The following RGS6 variants were observed in gnomAD, a reference collection of about 807,000 sequenced individuals.
RGS6 encodes regulator of G protein signaling 6, also known as regulator of G-protein signaling 6.
In RGS6, 30 loss-of-function variants were observed where a neutral mutation model predicts 78.5. That is an observed-to-expected ratio of 0.38 (90% CI 0.29 to 0.52). The LOEUF is 0.52. Ranked by LOEUF, RGS6 falls within the 20% of genes least tolerant of loss-of-function variation. RGS6 has a pLI of 0.85. For synonymous variants in RGS6, 206 were observed against 206.0 expected (o/e 1.00, Z 0.00); for missense variants, 495 against 609.7 (o/e 0.81, Z 1.98).
At chr14:72,003,415 T>C (rs1212183333) in intron 2 of RGS6, among the ~76,000 whole-genome samples, 2 of 152,246 alleles carry the variant, frequency 1.3e-5, no homozygotes, top group Non-Finnish European at 2.9e-5. Context: ...CACAGTTTTG[T>C]GCAACTGTCA....
the RGS6 span, among the ~76,000 whole-genome samples, chr14:71,894,253 A>G: frequency 2.0e-5 from 3 of 152,180 alleles, no homozygotes; most frequent in Admixed American, 2.0e-4. Context: ...TTTACGATTA[A>G]AGGAACAAAT....
intron 3 of RGS6, among the ~76,000 whole-genome samples, chr14:72,359,385 G>A (rs963099183): frequency 6.6e-6 from 1 of 152,008 alleles, no homozygotes; most frequent in Admixed American, 6.6e-5. Context: ...AGGGGTTGGG[G>A]TGGGGGGCAG....
At chr14:72,169,373 A>G (rs957095783) in intron 2 of RGS6, among the ~76,000 whole-genome samples, 1 of 152,238 alleles carries the variant, frequency 6.6e-6, no homozygotes, top group African/African-American at 2.4e-5. Context: ...ATCTCTAGAG[A>G]AGGAAACTTT....
At chr14:71,908,620 GC>G in the RGS6 span, among the ~76,000 whole-genome samples, 1 of 152,174 alleles carries the variant, frequency 6.6e-6, no homozygotes. Flanking sequence ...GCACAATGAG[GC>G]CACAGGAGGG....
At position 72,547,826 on chromosome 14, in the gene RGS6, C is replaced by T. The variant is rs138649039; in HGVS notation, c.1422+7732C>T. On this transcript the variant is annotated intron_variant, in intron 17 of 17. Transcript: ENST00000553525. The stretch of plus-strand genomic sequence containing the variant: ...TGAGCAACAGCACCATGGCCACATA[C>T]GGGAATGGGCCTCATTGGTGTAATA... 1.5e-3 allele frequency among the ~76,000 whole-genome samples: 231 copies of T among 152,246 alleles called. 1 individual carries two copies. Among genetic ancestry groups the T allele is most frequent in the African/African-American group, 4.8e-3 (198 of 41,542 alleles).
intron 3 of RGS6, among the ~76,000 whole-genome samples, chr14:72,378,226 T>C (rs1263785009): frequency 1.3e-5 from 2 of 152,106 alleles, no homozygotes; most frequent in Non-Finnish European, 2.9e-5. Flanking sequence ...ACAGGCAAGT[T>C]TATAGCAATA....
chr14:72,476,996 G>A, intron 11 of RGS6, 156 bp downstream of exon 11: 2 of 626,382 alleles, frequency 3.2e-6, no homozygotes, highest in East Asian at 2.9e-5. Flanking sequence ...TGCTGTGTGT[G>A]AACAAGCCAC....
At chr14:71,891,561 T>G in the RGS6 span, among the ~76,000 whole-genome samples, 1 of 152,176 alleles carries the variant, frequency 6.6e-6, no homozygotes, top group South Asian at 2.1e-4. Flanking sequence ...AGCTAAAAGC[T>G]TCAGAAGTCA....
At chr14:72,319,696 A>G (rs1486994745) in intron 2 of RGS6, among the ~76,000 whole-genome samples, 1 of 152,214 alleles carries the variant, frequency 6.6e-6, no homozygotes, top group African/African-American at 2.4e-5. Flanking sequence ...CCAAAGTAAA[A>G]TAGACACTAG....
At chr14:72,539,916 C>T (rs924687069) in intron 16 of RGS6, 125 bp from the exon 17 acceptor site, 56 of 760,492 alleles carry the variant, frequency 7.4e-5, no homozygotes, top group South Asian at 5.3e-4. Flanking sequence ...TCCCATTTTT[C>T]GCCCCATTTT....
At chr14:71,973,281 C>A (rs933133820) in intron 2 of RGS6, among the ~76,000 whole-genome samples, 5 of 151,978 alleles carry the variant, frequency 3.3e-5, no homozygotes, top group African/African-American at 1.2e-4. Context: ...AAAAAGTGAA[C>A]CGAGCCAAAA....
intron 2 of RGS6, among the ~76,000 whole-genome samples, chr14:72,162,420 G>T (rs1274803671): frequency 1.3e-5 from 2 of 152,156 alleles, no homozygotes; most frequent in African/African-American, 4.8e-5. Context: ...AATTTCATGA[G>T]TTCTGGGGAG....
chr14:71,958,836 A>G (rs1233081483), intron 1 of RGS6, among the ~76,000 whole-genome samples: 6 of 152,190 alleles, frequency 3.9e-5, no homozygotes. Flanking sequence ...CCCTAGGCCT[A>G]TTGGATCAGA....
intron 3 of RGS6, among the ~76,000 whole-genome samples, chr14:72,420,826 T>A (rs796403156): frequency 1.4e-4 from 21 of 152,324 alleles, no homozygotes; most frequent in African/African-American, 4.8e-4. Flanking sequence ...CCATTGATTA[T>A]TAATTTAAAA....
At chr14:72,135,146 G>A (rs941961060) in intron 2 of RGS6, among the ~76,000 whole-genome samples, 2 of 152,214 alleles carry the variant, frequency 1.3e-5, no homozygotes, top group Admixed American at 6.5e-5. Flanking sequence ...ATGGGTAGTG[G>A]TTGAGTTAGT....
chr14:72,513,971 C>T (rs1375924745), intron 14 of RGS6: 1 of 152,256 alleles, frequency 6.6e-6, no homozygotes, highest in Non-Finnish European at 1.5e-5. Context: ...GCTCTTGTCT[C>T]TGGCAGTTGC....
the RGS6 span, among the ~76,000 whole-genome samples, chr14:71,873,994 G>C: frequency 1.3e-5 from 2 of 152,044 alleles, no homozygotes; most frequent in Non-Finnish European, 2.9e-5. Flanking sequence ...CTGTTCCATT[G>C]GTCTATATCT....
chr14:72,092,605 C>G (rs186545676), intron 2 of RGS6, among the ~76,000 whole-genome samples: 141 of 152,340 alleles, frequency 9.3e-4, no homozygotes, highest in African/African-American at 3.3e-3. Flanking sequence ...TGGTCTCGAA[C>G]TCCTGACCTC....
At chr14:72,223,786 T>C (rs1028425291) in intron 2 of RGS6, among the ~76,000 whole-genome samples, 1 of 152,184 alleles carries the variant, frequency 6.6e-6, no homozygotes, top group African/African-American at 2.4e-5. Flanking sequence ...ATTGTTACTC[T>C]ACAAATGGGG....
Sources: gnomAD v4.1 joint callset for allele counts (sites outside exome capture counted in the v4.1 genomes callset) on GRCh38, gnomAD v4.1.1 for gene constraint, MANE v1.5 for transcripts, NCBI Gene and HGNC (gene_info 2026-07-23, HGNC 2026-07-21) for gene names.